The following ASH1L variants were observed in gnomAD, a reference collection of about 807,000 sequenced individuals.
ASH1L encodes histone-lysine N-methyltransferase ASH1L.
In ASH1L, 23 loss-of-function variants were observed where a neutral mutation model predicts 269.0. The ratio of observed to expected loss-of-function variants is 0.09; its 90% CI spans 0.06 to 0.12. ASH1L has a LOEUF of 0.12. ASH1L is among the 10% of genes least tolerant of loss of function. ASH1L has a pLI of 1.00. For missense variants in ASH1L, 2,912 were observed against 3,567.8 expected, an observed-to-expected ratio of 0.82 and a Z score of 4.68; for synonymous variants, 1,187 against 1,253.5, an observed-to-expected ratio of 0.95 and a Z score of 1.12.
Position 155,482,437 on chromosome 1 carries a change from A to G in ASH1L, c.433T>C (p.Leu145=), listed in dbSNP as rs1666022932. Residue 145 remains leucine (L), a synonymous_variant, in exon 3 of 28, where the codon TTG becomes CTG. Coordinates refer to ENST00000392403, the MANE Select transcript of ASH1L (RefSeq NM_018489.3). ...HCPSKRDPSK[L]YKKADDVAAI... ...GCAACATCATCTGCTTTCTTGTACA[A>G]CTTTGAAGGGTCCTAAAATTTGAAC... The G allele has an allele frequency of 1.2e-6, 2 of 1,608,050 alleles. No homozygotes were observed. Among genetic ancestry groups the G allele is most frequent in the Admixed American group, 1.7e-5 (1 of 58,874 alleles).
At chr1:155,338,027 T>A in intron 27 of ASH1L, 62 bp downstream of exon 27, 2 of 1,514,976 alleles carry the variant, frequency 1.3e-6, no homozygotes, top group Non-Finnish European at 1.8e-6. Flanking sequence ...TTACAATTTT[T>A]TTCCATTCCC....
chr1:155,356,906 T>G (rs1039568915), intron 15 of ASH1L, among the ~76,000 whole-genome samples: 5 of 148,470 alleles, frequency 3.4e-5, no homozygotes, highest in African/African-American at 1.3e-4. Context: ...CTGGGCAACA[T>G]AGTGAGACCT....
chr1:155,345,098 A>C (rs1428689538), intron 21 of ASH1L, among the ~76,000 whole-genome samples: 1 of 151,368 alleles, frequency 6.6e-6, no homozygotes, highest in Non-Finnish European at 1.5e-5. Context: ...CTGGGACTAC[A>C]GGCACGCAAC....
chr1:155,339,246 A>G, intron 26 of ASH1L, 82 bp downstream of exon 26: 1 of 1,248,030 alleles, frequency 8.0e-7, no homozygotes, highest in South Asian at 1.2e-5. Context: ...AGTGGAGCTG[A>G]GTGGGTAGTT....
intron 6 of ASH1L, among the ~76,000 whole-genome samples, chr1:155,399,144 G>C (rs1471017542): frequency 6.6e-6 from 1 of 152,148 alleles, no homozygotes; most frequent in East Asian, 1.9e-4. Flanking sequence ...TACCACATGA[G>C]AGGGCAGATG....
chr1:155,409,048 G>A (rs774616093), intron 6 of ASH1L, among the ~76,000 whole-genome samples: 2 of 151,316 alleles, frequency 1.3e-5, no homozygotes, highest in Admixed American at 6.6e-5. Context: ...TTTTTGAGAC[G>A]GAGTCTTGCT....
At chr1:155,494,659 T>C (rs1038397769) in intron 2 of ASH1L, among the ~76,000 whole-genome samples, 1 of 152,198 alleles carries the variant, frequency 6.6e-6, no homozygotes, top group Non-Finnish European at 1.5e-5. Context: ...GAGGAAATTA[T>C]TAACTCACTT....
intron 2 of ASH1L, among the ~76,000 whole-genome samples, chr1:155,491,420 A>T (rs1666776962): frequency 6.6e-6 from 1 of 152,014 alleles, no homozygotes; most frequent in South Asian, 2.1e-4. Flanking sequence ...TATGTATTCA[A>T]ATACTTATGA....
At chr1:155,507,268 G>A (rs1363175877) in intron 2 of ASH1L, among the ~76,000 whole-genome samples, 4 of 139,622 alleles carry the variant, frequency 2.9e-5, no homozygotes, top group African/African-American at 5.4e-5. Context: ...CAACAAGAGC[G>A]AAACTCCGTC....
In ASH1L at chr1:155,343,113, C is replaced by G. The variant is rs758253270; in HGVS notation, c.8293+201G>C. ...TGCAACCTCTGCCTCCCAGGCTCAG[C>G]AATCCTCCCAGTAGTTGGGACTACA... On this transcript the variant is annotated intron_variant, in intron 24 of 27. Transcript: ENST00000392403. This position sits in a 1 kb window ranked among gnomAD's most constrained non-coding sequence, Gnocchi z 6.1. 7 of 512,272 alleles carry G rather than the reference C, an allele frequency of 1.4e-5. No homozygotes were observed. The highest frequency in any genetic ancestry group is 2.4e-5 in the Non-Finnish European group (7 of 293,562). The allele number at this position is 512,272 out of a possible 1,614,324, so 31.7% of individuals were successfully genotyped here.
intron 1 of ASH1L, among the ~76,000 whole-genome samples, chr1:155,528,448 T>A (rs563385567): frequency 1.5e-3 from 227 of 151,378 alleles, no homozygotes; most frequent in Middle Eastern, 3.4e-3. Context: ...TTTTTTTTTT[T>A]AAAGAAAGAG....
At chr1:155,473,797 G>T (rs1056232082) in intron 3 of ASH1L, among the ~76,000 whole-genome samples, 11 of 151,924 alleles carry the variant, frequency 7.2e-5, no homozygotes, top group Non-Finnish European at 1.2e-4. Context: ...ACCATTCCCA[G>T]CCTCTTTATT....
rs141205897 is a variant in ASH1L at position 155,468,231 on chromosome 1, AT to A, written c.4985-8334del. ...TAGAATGCCCTTTATTATTATTATT[AT>A]TTTTTTTTTCTGCTTAGATTTAACA... On this transcript the variant is annotated intron_variant, in intron 3 of 27. Coordinates refer to ENST00000392403, the MANE Select transcript of ASH1L (RefSeq NM_018489.3). Among the ~76,000 whole-genome samples, 244 of 148,904 alleles carry A rather than the reference AT, an allele frequency of 1.6e-3. 1 individual carries two copies. The highest frequency in any genetic ancestry group is 5.8e-3 in the African/African-American group (234 of 40,256).
rs1455970128 is a variant in ASH1L, at chr1:155,339,275, T to C, written c.8501+53A>G. ...GGTAGTTGTTTGTTTTCTTGATCCATTCAAGCTCTTAGTCAATCCCTTAGG... is the reference window on the plus strand; with the variant it reads ...GGTAGTTGTTTGTTTTCTTGATCCACTCAAGCTCTTAGTCAATCCCTTAGG... On this transcript the variant is annotated intron_variant, in intron 26 of 27. Coordinates refer to ENST00000392403, the MANE Select transcript of ASH1L (RefSeq NM_018489.3). 4 of 1,544,610 alleles carry C rather than the reference T, an allele frequency of 2.6e-6. No individual in the cohort carries two copies. The Admixed American group carries it at 5.0e-5, about 19-fold the overall frequency.
intron 6 of ASH1L, among the ~76,000 whole-genome samples, chr1:155,411,582 A>ATATATATATAT (rs1659775685): frequency 2.1e-4 from 10 of 48,414 alleles, no homozygotes; most frequent in African/African-American, 4.8e-4. Context: ...TAAATAAATA[A>ATATATATATAT]ATAAATATAT....
intron 5 of ASH1L, chr1:155,433,966 C>T: frequency 1.3e-6 from 2 of 1,581,036 alleles, no homozygotes; most frequent in Non-Finnish European, 1.7e-6. Context: ...AGATCAGCCA[C>T]ATCGCCCAGC....
At chr1:155,338,442 G>A in intron 26 of ASH1L, 52 bp from the exon 27 acceptor site, 1 of 1,557,224 alleles carries the variant, frequency 6.4e-7, no homozygotes, top group Non-Finnish European at 8.7e-7. Context: ...AGGAAAAGGG[G>A]ATGAAGGGTA....
rs1428264795 is a variant in ASH1L, at chr1:155,480,615, T to C, written c.2255A>G (p.Asn752Ser). The change falls in exon 3 of 28, where the codon AAT (asparagine) becomes AGT (serine). Residue 752 changes from asparagine to serine, a missense_variant. By Grantham distance (46) the Asn-to-Ser change is conservative. Coordinates refer to ENST00000392403, the MANE Select transcript of ASH1L (RefSeq NM_018489.3). ...FKNVSCSSLS[N>S]SNSEPAKFMK... is the part of the protein sequence containing the mutation. ...AAACTTGGCTGGCTCAGAATTACTA[T>C]TTGATAGTGAGCTACATGAAACGTT... 4 of 1,614,058 alleles carry C rather than the reference T, an allele frequency of 2.5e-6. No individual in the cohort carries two copies. Among genetic ancestry groups the C allele is most frequent in the South Asian group, 1.1e-5 (1 of 91,080 alleles).
intron 6 of ASH1L, among the ~76,000 whole-genome samples, 171 bp from the exon 7 acceptor site, chr1:155,395,724 C>T (rs1432593878): frequency 3.9e-5 from 6 of 151,900 alleles, no homozygotes; most frequent in African/African-American, 1.5e-4. Flanking sequence ...CCTGGCTGGG[C>T]GTGGGGGTTC....
Sources: allele counts gnomAD v4.1 joint callset (sites outside exome capture counted in the v4.1 genomes callset), GRCh38; gene constraint gnomAD v4.1.1; non-coding constraint Gnocchi (gnomAD v3.1); transcripts MANE v1.5; gene names NCBI Gene and HGNC (gene_info 2026-07-23, HGNC 2026-07-21).